VWA8: variants seen among roughly 807,000 people sequenced by gnomAD.
VWA8 encodes von Willebrand factor A domain-containing protein 8.
VWA8 carries 221 observed loss-of-function variants against 241.5 expected under a neutral mutation model. That is an observed-to-expected ratio of 0.91 (90% confidence interval 0.82 to 1.02). The LOEUF (loss-of-function observed/expected upper bound fraction) is 1.02. Ranked by LOEUF, VWA8 falls within the 50% of genes least tolerant of loss-of-function variation. The pLI is 0.00. For missense variants in VWA8, 2,322 were observed against 2,328.7 expected, an observed-to-expected ratio of 1.00 and a Z score of 0.06; for synonymous variants, 852 against 827.1, an observed-to-expected ratio of 1.03 and a Z score of -0.52.
In VWA8 at chr13:41,595,488, C is replaced by G. The variant is rs138145542; in HGVS notation, c.4987-4723G>C. On this transcript the variant is annotated intron_variant, in intron 40 of 44. Transcript: ENST00000379310. ...CACACAATCTTAATCATCCACACCG[C>G]CTAAGCCTCCCAGTGCCCTGTTCTG... Among the ~76,000 whole-genome samples the G allele has an allele frequency of 6.4e-4, 97 of 152,288 alleles. 1 individual carries two copies. The highest frequency in any genetic ancestry group is 2.3e-3 in the African/African-American group (95 of 41,558).
chr13:41,830,607 C>A lies in VWA8; in HGVS notation c.1622G>T (p.Gly541Val). The change falls in exon 14 of 45, where the codon GGT (glycine) becomes GTT (valine). Residue 541 changes from glycine (G) to valine (V), a missense_variant. By Grantham distance (109) the Gly-to-Val change is moderately radical. Transcript: ENST00000379310. ...IHDRELSLYD[G>V]SRLLREDRYM... The stretch of plus-strand genomic sequence containing the variant: ...CCTGTCTTCTCTCAGCAGCCTAGAA[C>A]CATCATAGAGGCTTAGCTCTCGATC... 6.2e-7 allele frequency: 1 copy of A among 1,613,802 alleles called. No individual in the cohort carries two copies. The highest frequency in any genetic ancestry group is 8.5e-7 in the Non-Finnish European group (1 of 1,179,848).
chr13:41,674,658 G>GT (rs1300742467), intron 36 of VWA8, among the ~76,000 whole-genome samples: 22 of 152,222 alleles, frequency 1.4e-4, no homozygotes, highest in Admixed American at 3.9e-4. Context: ...TATTGTTTCT[G>GT]TTTTTAAATC....
intron 42 of VWA8, among the ~76,000 whole-genome samples, chr13:41,576,057 C>T (rs2044348799): frequency 6.6e-6 from 1 of 152,164 alleles, no homozygotes; most frequent in Admixed American, 6.5e-5. Context: ...GAGTCAAGTG[C>T]AACCTTTTCA....
chr13:41,770,440 C>CAAAAAA (rs35797822), intron 20 of VWA8, among the ~76,000 whole-genome samples: 2 of 102,426 alleles, frequency 2.0e-5, no homozygotes, highest in South Asian at 3.0e-4. Context: ...GACTCCGTTT[C>CAAAAAA]AAAAAAAAAA....
intron 21 of VWA8, among the ~76,000 whole-genome samples, chr13:41,737,576 G>T (rs1363857031): frequency 6.6e-6 from 1 of 152,142 alleles, no homozygotes; most frequent in East Asian, 1.9e-4. Flanking sequence ...CAATAGGAGG[G>T]TATAGAATTT....
chr13:41,741,968 T>G (rs1398818271), intron 21 of VWA8, among the ~76,000 whole-genome samples: 2 of 152,214 alleles, frequency 1.3e-5, no homozygotes, highest in Non-Finnish European at 2.9e-5. Flanking sequence ...TGATTTTAAC[T>G]GGCAGGAATG....
chr13:41,850,305 T>G (rs1228756184), intron 12 of VWA8, among the ~76,000 whole-genome samples: 1 of 152,212 alleles, frequency 6.6e-6, no homozygotes, highest in East Asian at 1.9e-4. Context: ...ACACTTTAAT[T>G]AAATAAGGAG....
At chr13:41,611,820 G>A (rs1179698802) in intron 38 of VWA8, 88 bp from the exon 39 acceptor site, 4 of 1,463,698 alleles carry the variant, frequency 2.7e-6, no homozygotes, top group African/African-American at 2.8e-5. Context: ...CAGCCTTGTG[G>A]AGGATATTAA....
intron 38 of VWA8, among the ~76,000 whole-genome samples, chr13:41,613,599 CCA>C (rs1403404695): frequency 6.6e-6 from 1 of 152,142 alleles, no homozygotes; most frequent in Non-Finnish European, 1.5e-5. Flanking sequence ...TCGCAGGGCC[CCA>C]GGCAAAGTCA....
intron 37 of VWA8, among the ~76,000 whole-genome samples, chr13:41,616,650 T>C (rs2044621876): frequency 1.3e-5 from 2 of 152,206 alleles, no homozygotes; most frequent in African/African-American, 4.8e-5. Flanking sequence ...TCTGTGTTGA[T>C]GAAAATGTTT....
At chr13:41,882,437 G>C (rs1432396911) in intron 9 of VWA8, among the ~76,000 whole-genome samples, 1 of 152,200 alleles carries the variant, frequency 6.6e-6, no homozygotes, top group African/African-American at 2.4e-5. Flanking sequence ...CGGCACTTTG[G>C]GAGGCCAAGG....
intron 12 of VWA8, chr13:41,865,420 C>T (rs996190035): frequency 1.3e-5 from 4 of 314,828 alleles, no homozygotes; most frequent in Admixed American, 4.6e-5. Context: ...TTATTTCTCC[C>T]ACCTACCTGT....
intron 12 of VWA8, among the ~76,000 whole-genome samples, chr13:41,853,167 T>A (rs187052701): frequency 1.3e-5 from 2 of 152,286 alleles, no homozygotes; most frequent in East Asian, 3.9e-4. Flanking sequence ...GGACTTTCAA[T>A]AGTACATTGA....
At position 41,761,200 on chromosome 13, in the gene VWA8, A is replaced by G. The variant is rs2045737129; in HGVS notation, c.2354T>C (p.Val785Ala). 6.2e-7 allele frequency: 1 copy of G among 1,611,184 alleles called. No individual in the cohort carries two copies. Among genetic ancestry groups the G allele is most frequent in the Non-Finnish European group, 8.5e-7 (1 of 1,178,174 alleles). Residue 785 changes from valine to alanine, a missense_variant, in exon 21 of 45, where the codon GTA becomes GCA. Coordinates refer to ENST00000379310, the MANE Select transcript of VWA8 (RefSeq NM_015058.2). The stretch of plus-strand genomic sequence containing the variant: ...TCTGTCAACAATCTTGTTTTTTCCT[A>G]CACCCTGTAATTACACAGAAAACAT... ...EHLLLVGNQG[V>A]GKNKIVDRFL...
chr13:41,648,207 T>C (rs1478865153), intron 37 of VWA8, among the ~76,000 whole-genome samples: 1 of 152,134 alleles, frequency 6.6e-6, no homozygotes, highest in Non-Finnish European at 1.5e-5. Context: ...CTGGTAATAA[T>C]GATGATAAAA....
intron 18 of VWA8, among the ~76,000 whole-genome samples, chr13:41,787,005 T>C (rs1869222482): frequency 6.6e-6 from 1 of 151,682 alleles, no homozygotes; most frequent in African/African-American, 2.4e-5. Context: ...TATTTTAGTT[T>C]GTATCAACCT....
intron 2 of VWA8, among the ~76,000 whole-genome samples, chr13:41,940,454 T>G (rs1484760258): frequency 6.6e-6 from 1 of 151,804 alleles, no homozygotes; most frequent in East Asian, 1.9e-4. Flanking sequence ...CCATCAAAAT[T>G]CTCTCATAAT....
chr13:41,758,431 CGCTAGTAT>C (rs2045714225), intron 21 of VWA8, among the ~76,000 whole-genome samples: 1 of 36,552 alleles, frequency 2.7e-5, no homozygotes, highest in Admixed American at 3.0e-4. Flanking sequence ...TATATATATA[CGCTAGTAT>C]ATATATTCCA....
chr13:41,895,945 A>C (rs1423978013), intron 4 of VWA8, among the ~76,000 whole-genome samples: 1 of 151,688 alleles, frequency 6.6e-6, no homozygotes, highest in East Asian at 1.9e-4. Context: ...AGTTTCTGAC[A>C]GTGGCTTCTA....
Sources: gnomAD v4.1 joint callset for allele counts (sites outside exome capture counted in the v4.1 genomes callset) on GRCh38, gnomAD v4.1.1 for gene constraint, MANE v1.5 for transcripts, NCBI Gene and HGNC (gene_info 2026-07-23, HGNC 2026-07-21) for gene names.